HACE1: variants seen among roughly 807,000 people sequenced by gnomAD.
HACE1 encodes the protein HECT domain and ankyrin repeat containing E3 ubiquitin protein ligase 1, also known as E3 ubiquitin-protein ligase HACE1.
Under a neutral mutation model 118.4 loss-of-function variants are expected in HACE1, and 73 were observed. The ratio of observed to expected loss-of-function variants is 0.62; its 90% CI spans 0.51 to 0.75. The LOEUF (loss-of-function observed/expected upper bound fraction) is 0.75, where lower values mean the gene tolerates loss of function less well. HACE1 is among the 30% of genes least tolerant of loss of function. HACE1 has a pLI of 0.00. For missense variants in HACE1, 749 were observed against 1,102.2 expected (o/e 0.68, Z 4.54); for synonymous variants, 368 against 374.8 (o/e 0.98, Z 0.21).
intron 7 of HACE1, among the ~76,000 whole-genome samples, chr6:104,807,032 T>C (rs1347965091): frequency 1.3e-5 from 2 of 150,842 alleles, no homozygotes; most frequent in Admixed American, 6.6e-5. Flanking sequence ...TTTTTTTTTT[T>C]TTTTTTCTTG....
intron 5 of HACE1, among the ~76,000 whole-genome samples, chr6:104,833,413 G>A (rs535485705): frequency 2.0e-5 from 3 of 152,100 alleles, no homozygotes; most frequent in Non-Finnish European, 2.9e-5. Context: ...GTCTTGCTAT[G>A]TTGTTCAGGT....
At chr6:104,810,656 T>C (rs1420466035) in intron 7 of HACE1, among the ~76,000 whole-genome samples, 1 of 151,790 alleles carries the variant, frequency 6.6e-6, no homozygotes, top group African/African-American at 2.4e-5. Context: ...ATAGAGTTTA[T>C]TTATTACTGT....
intron 23 of HACE1, among the ~76,000 whole-genome samples, chr6:104,730,054 G>A (rs528307675): frequency 7.4e-4 from 112 of 152,180 alleles, no homozygotes; most frequent in Middle Eastern, 3.4e-3. Flanking sequence ...TGCTACTTAC[G>A]GTAGTGTAAC....
At chr6:104,801,590 C>G (rs1277811611) in intron 7 of HACE1, among the ~76,000 whole-genome samples, 1 of 152,172 alleles carries the variant, frequency 6.6e-6, no homozygotes, top group Non-Finnish European at 1.5e-5. Flanking sequence ...TAATTTTCAA[C>G]TCAGAATTTC....
At chr6:104,750,550 TAA>T in intron 19 of HACE1, 78 bp from the exon 20 acceptor site, 1 of 1,312,952 alleles carries the variant, frequency 7.6e-7, no homozygotes, top group Non-Finnish European at 1.1e-6. Context: ...ATTTCTTATT[TAA>T]GAGGTAAAGG....
chr6:104,777,685 G>C (rs986894635), intron 14 of HACE1, among the ~76,000 whole-genome samples: 1 of 152,044 alleles, frequency 6.6e-6, no homozygotes, highest in Non-Finnish European at 1.5e-5. Context: ...AAATTACGTT[G>C]CGTGTTCCAT....
chr6:104,836,486 G>A (rs1774552032), intron 5 of HACE1, among the ~76,000 whole-genome samples: 1 of 152,152 alleles, frequency 6.6e-6, no homozygotes, highest in Non-Finnish European at 1.5e-5. Context: ...GCCGAGGCGG[G>A]TGAATCACCG....
chr6:104,831,218 C>A (rs1025528598), intron 6 of HACE1: 1 of 152,124 alleles, frequency 6.6e-6, no homozygotes, highest in African/African-American at 2.4e-5. Context: ...ATTTCAAAAG[C>A]CAAATGTCTG....
intron 6 of HACE1, among the ~76,000 whole-genome samples, chr6:104,815,999 G>T (rs1772072567): frequency 6.6e-6 from 1 of 151,850 alleles, no homozygotes; most frequent in South Asian, 2.1e-4. Context: ...CTTGAACCCA[G>T]GAGGCGGAGA....
intron 1 of HACE1, among the ~76,000 whole-genome samples, chr6:104,854,531 C>T (rs931964064): frequency 6.6e-6 from 1 of 151,822 alleles, no homozygotes; most frequent in East Asian, 1.9e-4. Flanking sequence ...GGAGGAGGAA[C>T]TGTCATACAT....
intron 17 of HACE1, among the ~76,000 whole-genome samples, chr6:104,773,791 T>C (rs1160225815): frequency 6.7e-6 from 1 of 149,898 alleles, no homozygotes; most frequent in East Asian, 1.9e-4. Context: ...AAAGGAAACA[T>C]ATAGGGAGAA....
chr6:104,831,824 C>T (rs1330484227), intron 6 of HACE1, among the ~76,000 whole-genome samples: 1 of 151,058 alleles, frequency 6.6e-6, no homozygotes, highest in Non-Finnish European at 1.5e-5. Context: ...ACCCGGGAGG[C>T]GGAGCTTGCA....
chr6:104,817,619 T>C (rs1489039670), intron 6 of HACE1, among the ~76,000 whole-genome samples: 5 of 152,228 alleles, frequency 3.3e-5, no homozygotes, highest in Non-Finnish European at 7.3e-5. Flanking sequence ...ATGGAACTGA[T>C]AAACTATCCA....
intron 22 of HACE1, among the ~76,000 whole-genome samples, chr6:104,736,691 A>G (rs1293777366): frequency 2.0e-5 from 3 of 152,228 alleles, no homozygotes; most frequent in Non-Finnish European, 1.5e-5. Flanking sequence ...CCACAAAAAC[A>G]ATATATTAAA....
chr6:104,849,943 C>T (rs1191959771), intron 3 of HACE1, among the ~76,000 whole-genome samples: 2 of 142,484 alleles, frequency 1.4e-5, no homozygotes, highest in East Asian at 2.2e-4. Flanking sequence ...AGCCACCACG[C>T]CCGTCCTTTT....
intron 4 of HACE1, among the ~76,000 whole-genome samples, chr6:104,843,874 T>C (rs931453800): frequency 2.0e-5 from 3 of 151,578 alleles, no homozygotes; most frequent in African/African-American, 7.3e-5. Flanking sequence ...ATCATAACTT[T>C]TTTTTTTTTT....
chr6:104,825,080 T>TAAAA (rs1323358688), intron 6 of HACE1, among the ~76,000 whole-genome samples: 1 of 101,010 alleles, frequency 9.9e-6, no homozygotes, highest in Non-Finnish European at 1.9e-5. Flanking sequence ...AGACTCCGTC[T>TAAAA]CAAAAAAAAA....
At chr6:104,812,861 A>C (rs1294169796) in intron 6 of HACE1, among the ~76,000 whole-genome samples, 1 of 152,208 alleles carries the variant, frequency 6.6e-6, no homozygotes, top group Non-Finnish European at 1.5e-5. Context: ...TAGAAGAAAC[A>C]GACTCTCCCC....
intron 1 of HACE1, chr6:104,858,509 G>C (rs1776971016): frequency 2.5e-6 from 1 of 396,282 alleles, no homozygotes; most frequent in Non-Finnish European, 5.0e-6. Flanking sequence ...AGACCAGCCT[G>C]GGGAACATAG....
Sources: gnomAD v4.1 joint callset for allele counts (sites outside exome capture counted in the v4.1 genomes callset) on GRCh38, gnomAD v4.1.1 for gene constraint, MANE v1.5 for transcripts, NCBI Gene and HGNC (gene_info 2026-07-23, HGNC 2026-07-21) for gene names.